The following HAS2 variants were observed in gnomAD, a reference collection of about 807,000 sequenced individuals.
The protein encoded by HAS2 is HA synthase 2.
In HAS2, 16 loss-of-function variants were observed where a neutral mutation model predicts 51.6. The ratio of observed to expected loss-of-function variants is 0.31; its 90% CI spans 0.21 to 0.47. The LOEUF (loss-of-function observed/expected upper bound fraction) is 0.47, where lower values mean the gene tolerates loss of function less well. HAS2 is among the 20% of genes least tolerant of loss of function. The pLI, the probability that HAS2 is intolerant of heterozygous loss-of-function variation, is 1.00. For missense variants in HAS2, 361 were observed against 662.6 expected (o/e 0.54, Z 5.00); for synonymous variants, 228 against 235.5 (o/e 0.97, Z 0.29).
chr8:121,627,448 G>C (rs1812869005), intron 2 of HAS2, among the ~76,000 whole-genome samples: 2 of 152,136 alleles, frequency 1.3e-5, no homozygotes, highest in African/African-American at 4.8e-5. Flanking sequence ...AAACTCTTCA[G>C]ACATCAACTG....
At chr8:121,635,522 T>C (rs1586510733) in intron 1 of HAS2, among the ~76,000 whole-genome samples, 1 of 152,122 alleles carries the variant, frequency 6.6e-6, no homozygotes, top group African/African-American at 2.4e-5. Flanking sequence ...TCAGAAGAAA[T>C]GGATTCAAGT....
At chr8:121,631,152 G>A (rs1217403503) in intron 1 of HAS2, among the ~76,000 whole-genome samples, 2 of 152,134 alleles carry the variant, frequency 1.3e-5, no homozygotes, top group Non-Finnish European at 2.9e-5. Flanking sequence ...AAGATAGATG[G>A]AGCTTGGTCC....
At position 121,613,931 on chromosome 8, in the gene HAS2, T is replaced by C. The variant is rs1812668389; in HGVS notation, c.*178A>G. On this transcript the variant is annotated 3_prime_UTR_variant, in exon 4 of 4. Transcript: ENST00000303924. ...TAACAGGTTAAATCTGAGTTTCTTC[T>C]TGTTGATGTATTGTTTTACTTTGGC... 2 of 832,972 alleles carry C rather than the reference T, an allele frequency of 2.4e-6. No homozygotes were observed. The highest frequency in any genetic ancestry group is 1.7e-5 in the African/African-American group (1 of 58,278). 51.6% of individuals were successfully genotyped at this position (832,972 alleles called of 1,614,324 possible).
intron 1 of HAS2, chr8:121,639,441 C>G (rs1022874589): frequency 1.3e-5 from 2 of 152,842 alleles, no homozygotes; most frequent in East Asian, 3.9e-4. Flanking sequence ...CCTCCCGTAG[C>G]TGGGCTGCTG....
chr8:121,633,974 G>A (rs1304863042), intron 1 of HAS2, among the ~76,000 whole-genome samples: 7 of 149,602 alleles, frequency 4.7e-5, no homozygotes, highest in African/African-American at 1.7e-4. Context: ...GCAATGGCAC[G>A]ATCTTGGCTC....
chr8:121,624,476 C>T (rs1213552326), intron 2 of HAS2, among the ~76,000 whole-genome samples: 1 of 152,172 alleles, frequency 6.6e-6, no homozygotes, highest in Non-Finnish European at 1.5e-5. Flanking sequence ...GTTACAAGTA[C>T]GTTTTACTGA....
chr8:121,622,978 A>T (rs1020591332), intron 2 of HAS2, among the ~76,000 whole-genome samples: 3 of 152,078 alleles, frequency 2.0e-5, no homozygotes, highest in Non-Finnish European at 4.4e-5. Context: ...CTCAATGAAA[A>T]CATCATCTTT....
intron 3 of HAS2, 76 bp from the exon 4 acceptor site, chr8:121,615,114 A>G: frequency 1.1e-6 from 1 of 949,314 alleles, no homozygotes. Context: ...TCCTGAGGTT[A>G]CTACCTGGAG....
chr8:121,632,458 T>C (rs1045709040), intron 1 of HAS2, among the ~76,000 whole-genome samples: 1 of 152,210 alleles, frequency 6.6e-6, no homozygotes, highest in Non-Finnish European at 1.5e-5. Context: ...ACTCTCTAAA[T>C]ATTTAAAATT....
chr8:121,617,327 C>T, intron 2 of HAS2, 121 bp from the exon 3 acceptor site: 1 of 615,114 alleles, frequency 1.6e-6, no homozygotes. Context: ...CCTCAGTAAG[C>T]AAGTATCATG....
intron 1 of HAS2, among the ~76,000 whole-genome samples, chr8:121,636,011 A>C (rs980670869): frequency 8.5e-5 from 13 of 152,200 alleles, no homozygotes; most frequent in Admixed American, 6.5e-5. Flanking sequence ...ATGGTGAACA[A>C]AAGGTTAAAA....
rs538462828 is a variant in HAS2, at chr8:121,626,264, A to C, written c.627+2450T>G. ...AGGCAAGGTCATCTGTTAGTAGTTAAGCAGAGAGGAGTTTGGATAGGGTTT... is the reference window on the plus strand; with the variant it reads ...AGGCAAGGTCATCTGTTAGTAGTTACGCAGAGAGGAGTTTGGATAGGGTTT... On this transcript the variant is annotated intron_variant, in intron 2 of 3. Transcript: ENST00000303924. 3.9e-5 allele frequency among the ~76,000 whole-genome samples: 6 copies of C among 152,336 alleles called. No individual in the cohort carries two copies. In the East Asian group the frequency reaches 1.2e-3, roughly 29 times the overall value.
At chr8:121,629,622 T>A (rs1812902184) in intron 1 of HAS2, among the ~76,000 whole-genome samples, 1 of 152,208 alleles carries the variant, frequency 6.6e-6, no homozygotes, top group Non-Finnish European at 1.5e-5. Context: ...AAATACTGCA[T>A]ACATTGCTTT....
intron 2 of HAS2, among the ~76,000 whole-genome samples, chr8:121,626,151 T>G (rs897260135): frequency 1.3e-5 from 2 of 152,044 alleles, no homozygotes; most frequent in African/African-American, 4.8e-5. Flanking sequence ...AGAAGTGAGG[T>G]TGGATACTCT....
intron 2 of HAS2, among the ~76,000 whole-genome samples, chr8:121,624,111 GT>G (rs930000755): frequency 1.3e-5 from 2 of 152,132 alleles, no homozygotes; most frequent in Non-Finnish European, 1.5e-5. Context: ...TATACATATA[GT>G]TGGTTCATTA....
chr8:121,635,683 C>T (rs1342441982), intron 1 of HAS2, among the ~76,000 whole-genome samples: 1 of 152,208 alleles, frequency 6.6e-6, no homozygotes, highest in East Asian at 1.9e-4. Flanking sequence ...TCTCTTCATC[C>T]ACTGAAGTCT....
rs1812668634 is a variant in HAS2 at position 121,613,956 on chromosome 8, C to A, written c.*153G>T. 1 of 1,083,238 alleles carries A rather than the reference C, an allele frequency of 9.2e-7. No individual in the cohort carries two copies. Among genetic ancestry groups the A allele is most frequent in the Non-Finnish European group, 1.3e-6 (1 of 748,754 alleles). The allele number at this position is 1,083,238 out of a possible 1,614,324, so 67.1% of individuals were successfully genotyped here. A position where few individuals can be genotyped will look rare whatever the true frequency, so the allele number is the denominator to read the frequency against. On this transcript the variant is annotated 3_prime_UTR_variant, in exon 4 of 4. Coordinates refer to ENST00000303924, the MANE Select transcript of HAS2 (RefSeq NM_005328.3). Reference sequence around the variant, plus strand: ...TTGTTGATGTATTGTTTTACTTTGGCAGAATGAAAATAAACCCATATAAAT... The same window carrying A: ...TTGTTGATGTATTGTTTTACTTTGGAAGAATGAAAATAAACCCATATAAAT...
chr8:121,637,060 T>C (rs564226628), intron 1 of HAS2, among the ~76,000 whole-genome samples: 2 of 152,340 alleles, frequency 1.3e-5, no homozygotes, highest in East Asian at 3.9e-4. Flanking sequence ...TAGGATTAGA[T>C]ATATGTATGT....
intron 1 of HAS2, among the ~76,000 whole-genome samples, chr8:121,631,913 C>T (rs1456991882): frequency 1.3e-5 from 2 of 152,216 alleles, no homozygotes; most frequent in African/African-American, 4.8e-5. Context: ...CCATTCTTTT[C>T]CATTATTCAC....
Sources: gnomAD v4.1 joint callset for allele counts (sites outside exome capture counted in the v4.1 genomes callset) on GRCh38, gnomAD v4.1.1 for gene constraint, MANE v1.5 for transcripts, NCBI Gene and HGNC (gene_info 2026-07-23, HGNC 2026-07-21) for gene names.